Variants in FRMD5 observed in about 807,000 individuals in gnomAD.
FRMD5 encodes FERM domain containing 5, also known as FERM domain-containing protein 5.
A neutral mutation model predicts 69.0 loss-of-function variants in FRMD5; 20 were observed. That is an observed-to-expected ratio of 0.29 (90% CI 0.20 to 0.42). FRMD5 has a LOEUF of 0.42. Among genes scored for constraint, FRMD5 ranks in the 10% least tolerant of loss-of-function variants. The probability of loss-of-function intolerance (pLI) is 1.00; values close to 1 mark genes in which losing one functional copy is unlikely to be tolerated. For missense variants in FRMD5, 595 were observed against 708.6 expected (o/e 0.84, Z 1.82); for synonymous variants, 271 against 260.1 (o/e 1.04, Z -0.40).
chr15:44,101,715 C>T (rs2076643395), intron 1 of FRMD5, among the ~76,000 whole-genome samples: 1 of 152,146 alleles, frequency 6.6e-6, no homozygotes, highest in Non-Finnish European at 1.5e-5. Context: ...CTATATTTTG[C>T]AGATTACTCT....
chr15:43,924,153 C>G, intron 2 of FRMD5, 52 bp downstream of exon 2: 6 of 1,328,776 alleles, frequency 4.5e-6, no homozygotes, highest in Non-Finnish European at 5.4e-6. Flanking sequence ...TTCAAGACCT[C>G]AGTCTTATTG....
chr15:44,139,329 ACTTT>A (rs1230132828), intron 1 of FRMD5, among the ~76,000 whole-genome samples: 1 of 150,396 alleles, frequency 6.6e-6, no homozygotes, highest in Admixed American at 6.6e-5. Context: ...ACACACACAC[ACTTT>A]CTTTCATCTA....
At chr15:43,972,443 G>A (rs1333976360) in intron 1 of FRMD5, among the ~76,000 whole-genome samples, 1 of 152,082 alleles carries the variant, frequency 6.6e-6, no homozygotes, top group Non-Finnish European at 1.5e-5. Flanking sequence ...AATAAGATGT[G>A]GCAGGGGGTT....
intron 1 of FRMD5, among the ~76,000 whole-genome samples, chr15:43,996,685 C>T (rs537168735): frequency 5.4e-5 from 7 of 130,190 alleles, no homozygotes; most frequent in East Asian, 2.2e-4. Context: ...GTGGGGATTG[C>T]CTTTTTTTTT....
intron 1 of FRMD5, among the ~76,000 whole-genome samples, chr15:44,173,131 G>A (rs2077832860): frequency 6.6e-6 from 1 of 152,070 alleles, no homozygotes; most frequent in Non-Finnish European, 1.5e-5. Flanking sequence ...GCTTGACCAA[G>A]GTAAAGGCAT....
At chr15:44,022,635 C>T (rs1006909652) in intron 1 of FRMD5, among the ~76,000 whole-genome samples, 2 of 134,646 alleles carry the variant, frequency 1.5e-5, no homozygotes, top group African/African-American at 2.7e-5. Context: ...AATATTCTTA[C>T]ACTTGAATAA....
intron 1 of FRMD5, among the ~76,000 whole-genome samples, chr15:43,996,026 C>A (rs1566887094): frequency 2.0e-5 from 3 of 152,000 alleles, no homozygotes. Flanking sequence ...GCCTGGAGCC[C>A]GTGTCTGAAG....
chr15:44,141,108 G>C (rs577692409), intron 1 of FRMD5, among the ~76,000 whole-genome samples: 2 of 152,046 alleles, frequency 1.3e-5, no homozygotes, highest in Non-Finnish European at 2.9e-5. Context: ...AAAACTGTCA[G>C]ATGAAAGTAC....
intron 1 of FRMD5, among the ~76,000 whole-genome samples, chr15:44,173,486 T>C (rs958571562): frequency 3.2e-4 from 49 of 152,010 alleles, no homozygotes; most frequent in African/African-American, 1.2e-3. Flanking sequence ...AGAATACAAG[T>C]AAATTATAGC....
intron 3 of FRMD5, 67 bp downstream of exon 3, chr15:43,919,700 T>A: frequency 6.6e-7 from 1 of 1,513,916 alleles, no homozygotes; most frequent in Non-Finnish European, 9.2e-7. Flanking sequence ...AAACTTGAGA[T>A]AAGTGGGAGG....
chr15:43,961,943 A>C (rs2090208826), intron 1 of FRMD5, among the ~76,000 whole-genome samples: 1 of 152,230 alleles, frequency 6.6e-6, no homozygotes, highest in Admixed American at 6.5e-5. Context: ...CCCACAGCCA[A>C]TATCATACTG....
At chr15:44,032,003 C>T (rs532944160) in intron 1 of FRMD5, among the ~76,000 whole-genome samples, 12 of 150,598 alleles carry the variant, frequency 8.0e-5, no homozygotes, top group Non-Finnish European at 1.3e-4. Context: ...CTAAAACAGG[C>T]ACATAGACCA....
At chr15:44,062,590 C>G (rs998958544) in intron 1 of FRMD5, among the ~76,000 whole-genome samples, 4 of 150,798 alleles carry the variant, frequency 2.7e-5, no homozygotes, top group African/African-American at 9.7e-5. Flanking sequence ...ACTCGGGAAG[C>G]TGAGGCAGAG....
At chr15:43,930,370 C>T (rs1229554970) in intron 1 of FRMD5, among the ~76,000 whole-genome samples, 1 of 152,216 alleles carries the variant, frequency 6.6e-6, no homozygotes, top group Non-Finnish European at 1.5e-5. Context: ...TGTGGCAGGG[C>T]CATAGCTCAC....
chr15:44,074,783 T>C (rs1893687769), intron 1 of FRMD5, among the ~76,000 whole-genome samples: 1 of 152,222 alleles, frequency 6.6e-6, no homozygotes, highest in Non-Finnish European at 1.5e-5. Context: ...TATTTGTTAA[T>C]GGAGAAGTTA....
intron 13 of FRMD5, chr15:43,876,186 C>T (rs2140335148): frequency 1.9e-6 from 3 of 1,600,016 alleles, no homozygotes; most frequent in South Asian, 2.2e-5. Context: ...ACTGTCACTC[C>T]CAGAGGCTGC....
chr15:44,144,718 T>G (rs1042915608), intron 1 of FRMD5, among the ~76,000 whole-genome samples: 1 of 152,238 alleles, frequency 6.6e-6, no homozygotes, highest in Non-Finnish European at 1.5e-5. Flanking sequence ...TTCATAAATA[T>G]GCCATTGTTA....
intron 1 of FRMD5, among the ~76,000 whole-genome samples, chr15:43,946,855 A>G (rs1435357984): frequency 6.6e-6 from 1 of 152,214 alleles, no homozygotes; most frequent in Non-Finnish European, 1.5e-5. Flanking sequence ...CACATTCTGA[A>G]TGATGACCTG....
intron 1 of FRMD5, among the ~76,000 whole-genome samples, chr15:44,151,454 G>A (rs1415781244): frequency 6.6e-6 from 1 of 150,920 alleles, no homozygotes; most frequent in Non-Finnish European, 1.5e-5. Context: ...AAAATCAGTT[G>A]GGTACTATAT....
Sources: gnomAD v4.1 joint callset for allele counts (sites outside exome capture counted in the v4.1 genomes callset) on GRCh38, gnomAD v4.1.1 for gene constraint, MANE v1.5 for transcripts, NCBI Gene and HGNC (gene_info 2026-07-23, HGNC 2026-07-21) for gene names.